ITPKB: variants seen among roughly 807,000 people sequenced by gnomAD.
ITPKB encodes the protein IP3 3-kinase B.
In ITPKB, 13 loss-of-function variants were observed where a neutral mutation model predicts 69.4. That is an observed-to-expected ratio of 0.19 (90% CI 0.12 to 0.30). The LOEUF (loss-of-function observed/expected upper bound fraction) is 0.30. Among genes scored for constraint, ITPKB ranks in the 10% least tolerant of loss-of-function variants. ITPKB has a pLI of 1.00. For synonymous variants in ITPKB, 584 were observed against 513.7 expected (o/e 1.14, Z -1.85); for missense variants, 1,240 against 1,250.5 (o/e 0.99, Z 0.13).
chr1:226,720,609 A>G (rs1657212162), intron 2 of ITPKB, among the ~76,000 whole-genome samples: 1 of 152,206 alleles, frequency 6.6e-6, no homozygotes, highest in African/African-American at 2.4e-5. Context: ...CCTGGCACAT[A>G]ATAGGCACTT....
intron 2 of ITPKB, 112 bp from the exon 3 acceptor site, chr1:226,648,883 C>T (rs1267945184): frequency 1.3e-6 from 1 of 778,360 alleles, no homozygotes; most frequent in Non-Finnish European, 2.3e-6. Context: ...ATGGGAAGGG[C>T]CCTTGACGGG....
At chr1:226,682,881 G>A (rs1461183683) in intron 2 of ITPKB, among the ~76,000 whole-genome samples, 1 of 152,170 alleles carries the variant, frequency 6.6e-6, no homozygotes, top group Non-Finnish European at 1.5e-5. Context: ...GCCTCAGGAG[G>A]AGGTGTATAT....
chr1:226,660,142 T>A (rs2102756416), intron 2 of ITPKB, among the ~76,000 whole-genome samples: 1 of 152,340 alleles, frequency 6.6e-6, no homozygotes, highest in Non-Finnish European at 1.5e-5. Flanking sequence ...TCTTTTTCAC[T>A]CAAGGGTTTG....
Position 226,735,831 on chromosome 1 carries a change from G to T in ITPKB, c.1628C>A (p.Pro543Gln), listed in dbSNP as rs868844316. The T allele has an allele frequency of 1.9e-6, 3 of 1,608,614 alleles. No individual in the cohort carries two copies. Among genetic ancestry groups the T allele is most frequent in the Admixed American group, 1.7e-5 (1 of 59,864 alleles). Residue 543 changes from proline to glutamine, a missense_variant, in exon 2 of 8, where the codon CCA becomes CAA. Physicochemically the swap from Pro to Gln is moderately conservative, Grantham distance 76. Around this residue, in one of 2 missense-constraint regions of ITPKB, gnomAD observed 992 missense variants for 853.8 expected, o/e 1.16. Coordinates refer to ENST00000429204, the MANE Select transcript of ITPKB (RefSeq NM_002221.4). ...ATCTTGGGGTAGCAGCTCCGGACTTGGGAGGGCATCACTGTCCTGCCGCTG... is the reference window on the plus strand; with the variant it reads ...ATCTTGGGGTAGCAGCTCCGGACTTTGGAGGGCATCACTGTCCTGCCGCTG... ...ESQRQDSDAL[P>Q]SPELLPQDPD... is the part of the protein sequence containing the mutation.
rs956430476 is a variant in ITPKB, at chr1:226,641,390, A to G, written c.2451+531T>C. On this transcript the variant is annotated intron_variant, in intron 5 of 7. Coordinates refer to ENST00000429204, the MANE Select transcript of ITPKB (RefSeq NM_002221.4). This position sits in a 1 kb window ranked among gnomAD's most constrained non-coding sequence, Gnocchi z 4.6. Reference sequence around the variant, plus strand: ...TTAGGGGAAAATTACATTTACTTATAAAGTTTGTCATGTTGTTTCTTTGGA... The same window carrying G: ...TTAGGGGAAAATTACATTTACTTATGAAGTTTGTCATGTTGTTTCTTTGGA... Among the ~76,000 whole-genome samples the G allele has an allele frequency of 6.6e-6, 1 of 152,264 alleles. No homozygotes were observed. Among genetic ancestry groups the G allele is most frequent in the African/African-American group, 2.4e-5 (1 of 41,474 alleles).
chr1:226,680,104 G>C (rs1233201145), intron 2 of ITPKB, among the ~76,000 whole-genome samples: 1 of 152,228 alleles, frequency 6.6e-6, no homozygotes, highest in East Asian at 1.9e-4. Context: ...CAACTCTCCA[G>C]CGGCCTCAGA....
intron 2 of ITPKB, among the ~76,000 whole-genome samples, chr1:226,708,490 T>A (rs910499694): frequency 7.2e-5 from 11 of 152,202 alleles, no homozygotes; most frequent in Admixed American, 2.0e-4. Context: ...TTCTGGTCAA[T>A]GAGACACAGG....
chr1:226,730,847 G>C (rs1335164156), intron 2 of ITPKB, among the ~76,000 whole-genome samples: 1 of 152,200 alleles, frequency 6.6e-6, no homozygotes, highest in Non-Finnish European at 1.5e-5. Flanking sequence ...AACAAAATCA[G>C]AAAAGTGACT....
intron 2 of ITPKB, among the ~76,000 whole-genome samples, chr1:226,669,541 G>C (rs1428495910): frequency 6.6e-6 from 1 of 152,176 alleles, no homozygotes; most frequent in Non-Finnish European, 1.5e-5. Flanking sequence ...CAACTGCCAG[G>C]CTAATGAACT....
Position 226,660,643 on chromosome 1 carries a change from G to A in ITPKB, c.1933-11872C>T, listed in dbSNP as rs1023935724. On this transcript the variant is annotated intron_variant, in intron 2 of 7. Coordinates refer to ENST00000429204, the MANE Select transcript of ITPKB (RefSeq NM_002221.4). Reference sequence around the variant, plus strand: ...AAATGCTGTGCTGAACAGAGGCCTCGCAGAGCTCACACCAGGGGCCTCGCA... The same window carrying A: ...AAATGCTGTGCTGAACAGAGGCCTCACAGAGCTCACACCAGGGGCCTCGCA... Among the ~76,000 whole-genome samples the A allele has an allele frequency of 2.6e-5, 4 of 151,686 alleles. No individual in the cohort carries two copies. In the South Asian group the frequency reaches 6.2e-4, roughly 24 times the overall value.
At chr1:226,683,564 G>A (rs548288370) in intron 2 of ITPKB, among the ~76,000 whole-genome samples, 1 of 152,066 alleles carries the variant, frequency 6.6e-6, no homozygotes, top group African/African-American at 2.4e-5. Flanking sequence ...CCATGTCAAA[G>A]GCCCTCCTGC....
chr1:226,635,270 G>C (rs911834435), intron 7 of ITPKB, among the ~76,000 whole-genome samples: 1 of 151,854 alleles, frequency 6.6e-6, no homozygotes, highest in African/African-American at 2.4e-5. Context: ...GCCCCAGCTG[G>C]AGTGCAGTGG....
chr1:226,678,612 G>T (rs1655980476), intron 2 of ITPKB, among the ~76,000 whole-genome samples: 1 of 152,214 alleles, frequency 6.6e-6, no homozygotes, highest in Non-Finnish European at 1.5e-5. Flanking sequence ...ACACTGTGTA[G>T]ATTAAAATGT....
chr1:226,722,712 T>C (rs1432448109), intron 2 of ITPKB, among the ~76,000 whole-genome samples: 1 of 152,114 alleles, frequency 6.6e-6, no homozygotes, highest in Non-Finnish European at 1.5e-5. Flanking sequence ...AGTCCCTTCA[T>C]CCTGCAAAGG....
chr1:226,667,026 C>T (rs1264929607), intron 2 of ITPKB, among the ~76,000 whole-genome samples: 1 of 152,214 alleles, frequency 6.6e-6, no homozygotes, highest in Non-Finnish European at 1.5e-5. Context: ...AAGACCCTTC[C>T]CCTAACCTAC....
In ITPKB at chr1:226,694,726, A is replaced by G. The variant is rs763176895; in HGVS notation, c.1932+40801T>C. On this transcript the variant is annotated intron_variant, in intron 2 of 7. Transcript: ENST00000429204. ...GTCGGCAGCATCCTGGCCTCTACCC[A>G]CTATGTGCCAGGAGCAGTACCACCC... is the stretch of plus-strand genomic sequence containing the variant. Among the ~76,000 whole-genome samples the G allele has an allele frequency of 5.8e-4, 88 of 152,318 alleles. 2 individuals carry two copies. The highest frequency in any genetic ancestry group is 4.4e-4 in the Non-Finnish European group (30 of 68,032).
chr1:226,683,419 G>C (rs983135199), intron 2 of ITPKB, among the ~76,000 whole-genome samples: 1 of 152,160 alleles, frequency 6.6e-6, no homozygotes, highest in Admixed American at 6.5e-5. Context: ...GGATTCATCG[G>C]TAAGAAAACA....
Position 226,737,143 on chromosome 1 carries a change from G to C in ITPKB, c.316C>G (p.Leu106Val). 6.2e-7 allele frequency: 1 copy of C among 1,600,640 alleles called. No individual in the cohort carries two copies. Among genetic ancestry groups the C allele is most frequent in the Non-Finnish European group, 8.5e-7 (1 of 1,179,498 alleles). Reference sequence around the variant, plus strand: ...ACCACCTGCTGCCGGTCCCCTCGCAGGCGACCAGCCCAACTTGGGCTGCTC... The same window carrying C: ...ACCACCTGCTGCCGGTCCCCTCGCACGCGACCAGCCCAACTTGGGCTGCTC... ...SVSSPSWAGRLRGDRQQVVAA... is the reference protein window; with the variant it reads ...SVSSPSWAGRVRGDRQQVVAA... The change falls in exon 2 of 8, where the codon CTG becomes GTG. Residue 106 changes from leucine (L) to valine (V), a missense_variant. By Grantham distance (32) the Leu-to-Val change is conservative (BLOSUM62 1). Transcript: ENST00000429204.
chr1:226,653,946 C>T (rs1201388385), intron 2 of ITPKB, among the ~76,000 whole-genome samples: 2 of 152,218 alleles, frequency 1.3e-5, no homozygotes, highest in African/African-American at 2.4e-5. Flanking sequence ...ATTTGTCACC[C>T]CTGCCTGTTG....
Sources: allele counts gnomAD v4.1 joint callset (sites outside exome capture counted in the v4.1 genomes callset), GRCh38; gene constraint gnomAD v4.1.1; regional missense constraint gnomAD v4.1.1; non-coding constraint Gnocchi (gnomAD v3.1); transcripts MANE v1.5; gene names NCBI Gene and HGNC (gene_info 2026-07-23, HGNC 2026-07-21).